Variants in SNX7 observed in about 807,000 individuals in gnomAD.
SNX7 encodes sorting nexin-7.
In SNX7, 35 loss-of-function variants were observed where a neutral mutation model predicts 48.4. The observed-to-expected ratio is 0.72, with a 90% CI of 0.55 to 0.96. The LOEUF is 0.96. Ranked by LOEUF, SNX7 falls within the 40% of genes least tolerant of loss-of-function variation. The pLI, the probability that SNX7 is intolerant of heterozygous loss-of-function variation, is 0.00. For missense variants in SNX7, 553 were observed against 548.9 expected (o/e 1.01, Z -0.07); for synonymous variants, 190 against 190.2 (o/e 1.00, Z 0.01).
rs527681415 is a variant in SNX7 at position 98,664,673 on chromosome 1, T to G, written c.180+2762T>G. On this transcript the variant is annotated intron_variant, in intron 1 of 8. Coordinates refer to ENST00000306121, the MANE Select transcript of SNX7 (RefSeq NM_015976.5). Reference sequence around the variant, plus strand: ...TGCTATCACAATCTTATACTCCAGGTGGGAAGATGTGACAAACTCTAAATG... The same window carrying G: ...TGCTATCACAATCTTATACTCCAGGGGGGAAGATGTGACAAACTCTAAATG... 2.0e-5 allele frequency among the ~76,000 whole-genome samples: 3 copies of G among 152,082 alleles called. No individual in the cohort carries two copies. In the East Asian group the frequency reaches 5.8e-4, roughly 29 times the overall value.
chr1:98,751,969 A>AT (rs1462330878), intron 8 of SNX7, among the ~76,000 whole-genome samples: 1 of 152,126 alleles, frequency 6.6e-6, no homozygotes, highest in Non-Finnish European at 1.5e-5. Context: ...GATGCTGGAT[A>AT]TTTTTTATTA....
At chr1:98,725,034 G>A (rs970499441) in intron 7 of SNX7, among the ~76,000 whole-genome samples, 1 of 152,082 alleles carries the variant, frequency 6.6e-6, no homozygotes, top group African/African-American at 2.4e-5. Flanking sequence ...TTTTACCAAA[G>A]GAGTTTACTT....
chr1:98,735,287 G>A (rs1653716189), intron 7 of SNX7, among the ~76,000 whole-genome samples: 1 of 152,050 alleles, frequency 6.6e-6, no homozygotes, highest in Non-Finnish European at 1.5e-5. Flanking sequence ...ATTTGAATTA[G>A]GTGTTTTGTG....
At chr1:98,704,561 A>T (rs1651920930) in intron 7 of SNX7, among the ~76,000 whole-genome samples, 1 of 152,204 alleles carries the variant, frequency 6.6e-6, no homozygotes, top group African/African-American at 2.4e-5. Flanking sequence ...GGTCACAGAA[A>T]GACTGAAAGG....
At chr1:98,751,656 A>G (rs528049002) in intron 8 of SNX7, among the ~76,000 whole-genome samples, 3 of 152,228 alleles carry the variant, frequency 2.0e-5, no homozygotes, top group East Asian at 1.9e-4. Flanking sequence ...AATTGCATGT[A>G]TAGCATATTT....
chr1:98,686,118 CAGA>C (rs1159698188), intron 2 of SNX7, among the ~76,000 whole-genome samples: 2 of 152,112 alleles, frequency 1.3e-5, no homozygotes, highest in African/African-American at 2.4e-5. Context: ...CCTTCTTAGA[CAGA>C]AGAAGTCATG....
intron 4 of SNX7, among the ~76,000 whole-genome samples, chr1:98,694,710 C>T (rs1651353936): frequency 6.9e-6 from 1 of 144,672 alleles, no homozygotes; most frequent in African/African-American, 2.6e-5. Context: ...TGGGTTCACG[C>T]CATTCTCCTG....
At chr1:98,708,685 T>G (rs987944445) in intron 7 of SNX7, among the ~76,000 whole-genome samples, 1 of 152,184 alleles carries the variant, frequency 6.6e-6, no homozygotes, top group Non-Finnish European at 1.5e-5. Flanking sequence ...AGGGAGTACC[T>G]AGAATTCCTC....
At chr1:98,750,530 A>G (rs1382705974) in intron 8 of SNX7, among the ~76,000 whole-genome samples, 1 of 152,112 alleles carries the variant, frequency 6.6e-6, no homozygotes, top group Non-Finnish European at 1.5e-5. Context: ...GCAAAGTTTA[A>G]CATTCCCAGT....
At chr1:98,751,295 T>A (rs1654567184) in intron 8 of SNX7, among the ~76,000 whole-genome samples, 1 of 152,072 alleles carries the variant, frequency 6.6e-6, no homozygotes, top group Admixed American at 6.6e-5. Context: ...CCTCTTCTAA[T>A]GCAAAATGTC....
intron 1 of SNX7, among the ~76,000 whole-genome samples, chr1:98,668,034 T>G (rs906270184): frequency 6.6e-6 from 1 of 152,170 alleles, no homozygotes; most frequent in Non-Finnish European, 1.5e-5. Flanking sequence ...AGCTCTCTTA[T>G]AGGTTAAGTA....
At chr1:98,729,850 T>C (rs2101021955) in intron 7 of SNX7, among the ~76,000 whole-genome samples, 1 of 152,284 alleles carries the variant, frequency 6.6e-6, no homozygotes, top group Admixed American at 6.5e-5. Context: ...GCTGTTACCA[T>C]TTTTACTGAA....
At chr1:98,706,483 G>A (rs4546941) in intron 7 of SNX7, among the ~76,000 whole-genome samples, 1 of 151,900 alleles carries the variant, frequency 6.6e-6, no homozygotes, top group African/African-American at 2.4e-5. Flanking sequence ...CTAACCAGGG[G>A]TTAGACCATA....
chr1:98,749,301 GAAT>G (rs959805865), intron 8 of SNX7, among the ~76,000 whole-genome samples: 27 of 151,962 alleles, frequency 1.8e-4, no homozygotes, highest in African/African-American at 6.3e-4. Context: ...GACATCTACA[GAAT>G]AATGCTACAG....
At chr1:98,723,391 T>G (rs1410000071) in intron 7 of SNX7, among the ~76,000 whole-genome samples, 3 of 152,162 alleles carry the variant, frequency 2.0e-5, no homozygotes, top group African/African-American at 7.2e-5. Flanking sequence ...TTTGTTAAAT[T>G]TATTACTAAG....
chr1:98,692,644 A>G (rs924172713), intron 4 of SNX7, among the ~76,000 whole-genome samples: 16 of 152,166 alleles, frequency 1.1e-4, no homozygotes, highest in African/African-American at 3.4e-4. Context: ...GATCAGCGTC[A>G]CATGGCATTT....
At chr1:98,757,316 A>T (rs961176012) in intron 8 of SNX7, among the ~76,000 whole-genome samples, 16 of 152,042 alleles carry the variant, frequency 1.1e-4, no homozygotes, top group African/African-American at 3.9e-4. Context: ...TTGTTTCCTC[A>T]CAATTCTAGA....
At chr1:98,726,165 C>T (rs760537936) in intron 7 of SNX7, among the ~76,000 whole-genome samples, 15 of 152,168 alleles carry the variant, frequency 9.9e-5, no homozygotes, top group Non-Finnish European at 2.9e-5. Flanking sequence ...TGTCTGCATT[C>T]ACACAGTTAG....
At chr1:98,719,804 A>T (rs1368389268) in intron 7 of SNX7, among the ~76,000 whole-genome samples, 1 of 150,510 alleles carries the variant, frequency 6.6e-6, no homozygotes, top group Non-Finnish European at 1.5e-5. Context: ...CTTTTTTACA[A>T]TAGAATCTTT....
Sources: allele counts gnomAD v4.1 joint callset (sites outside exome capture counted in the v4.1 genomes callset), GRCh38; gene constraint gnomAD v4.1.1; transcripts MANE v1.5; gene names NCBI Gene and HGNC (gene_info 2026-07-23, HGNC 2026-07-21).